Variants in SASH1 observed in about 807,000 individuals in gnomAD.
SASH1 encodes SAM and SH3 domain containing 1, also known as SAM and SH3 domain-containing protein 1.
Under a neutral mutation model 125.2 loss-of-function variants are expected in SASH1, and 44 were observed. The observed-to-expected ratio is 0.35, with a 90% CI of 0.28 to 0.45. The LOEUF is 0.45. SASH1 is among the 20% of genes least tolerant of loss of function. SASH1 has a pLI of 1.00. For synonymous variants in SASH1, 639 were observed against 649.1 expected (o/e 0.98, Z 0.24); for missense variants, 1,426 against 1,614.5 (o/e 0.88, Z 2.00).
At chr6:148,373,463 G>A (rs1015132392) in intron 1 of SASH1, among the ~76,000 whole-genome samples, 2 of 152,178 alleles carry the variant, frequency 1.3e-5, no homozygotes, top group Admixed American at 6.5e-5. Flanking sequence ...CAGGAAAGAT[G>A]TAGGGGTGTA....
intron 7 of SASH1, among the ~76,000 whole-genome samples, chr6:148,476,374 A>G (rs1778347113): frequency 6.6e-6 from 1 of 152,028 alleles, no homozygotes; most frequent in Non-Finnish European, 1.5e-5. Flanking sequence ...CTACAGATTC[A>G]GTGCAATCCA....
the SASH1 span, among the ~76,000 whole-genome samples, chr6:148,222,237 G>A: frequency 6.6e-6 from 1 of 152,242 alleles, no homozygotes; most frequent in Non-Finnish European, 1.5e-5. Flanking sequence ...TCAACAATTA[G>A]GATGTTTCCC....
chr6:148,506,319 A>G (rs1375536073), intron 8 of SASH1, among the ~76,000 whole-genome samples: 1 of 151,852 alleles, frequency 6.6e-6, no homozygotes, highest in Non-Finnish European at 1.5e-5. Context: ...TACTAAAAAT[A>G]CAAAAATTAG....
chr6:148,536,320 GTTTT>G (rs917017064), intron 16 of SASH1, among the ~76,000 whole-genome samples: 1 of 152,002 alleles, frequency 6.6e-6, no homozygotes, highest in Non-Finnish European at 1.5e-5. Flanking sequence ...AACAGCTGGG[GTTTT>G]TGTTTTGTTT....
chr6:148,264,788 C>A, the SASH1 span, among the ~76,000 whole-genome samples: 2 of 152,366 alleles, frequency 1.3e-5, no homozygotes, highest in Non-Finnish European at 2.9e-5. Context: ...CTGCCTGCTC[C>A]ATCACCTCTC....
chr6:148,433,062 G>C lies in SASH1; in HGVS notation c.286-7122G>C, dbSNP rs141944981. 5.0e-3 allele frequency among the ~76,000 whole-genome samples: 758 copies of C among 152,168 alleles called. 7 individuals are homozygous for C. The highest frequency in any genetic ancestry group is 0.016 in the African/African-American group (679 of 41,508). Reference sequence around the variant, plus strand: ...TACTGATTTCATCTTGCAATACTTGGGTTTTGCTTTTGTTGTTGGATTTAT... The same window carrying C: ...TACTGATTTCATCTTGCAATACTTGCGTTTTGCTTTTGTTGTTGGATTTAT... On this transcript the variant is annotated intron_variant, in intron 2 of 19. Coordinates refer to ENST00000367467, the MANE Select transcript of SASH1 (RefSeq NM_015278.5).
intron 1 of SASH1, among the ~76,000 whole-genome samples, chr6:148,313,179 G>A (rs1311539289): frequency 1.3e-5 from 2 of 152,168 alleles, no homozygotes; most frequent in African/African-American, 4.8e-5. Flanking sequence ...TACAGAAGCT[G>A]ACATGATGTC....
intron 2 of SASH1, among the ~76,000 whole-genome samples, chr6:148,390,730 G>A (rs986360672): frequency 6.6e-6 from 1 of 151,374 alleles, no homozygotes; most frequent in Non-Finnish European, 1.5e-5. Flanking sequence ...AGAGCTTGCA[G>A]TGAGCCAAGA....
chr6:148,240,766 C>T, the SASH1 span, among the ~76,000 whole-genome samples: 5 of 152,120 alleles, frequency 3.3e-5, no homozygotes, highest in South Asian at 2.1e-4. Context: ...ATTAAATTCC[C>T]GTTTGGCATT....
At chr6:148,208,740 T>C in the SASH1 span, among the ~76,000 whole-genome samples, 2 of 152,200 alleles carry the variant, frequency 1.3e-5, no homozygotes, top group East Asian at 3.8e-4. Context: ...CCTTTCTATA[T>C]AAATCAAATA....
intron 2 of SASH1, among the ~76,000 whole-genome samples, chr6:148,435,728 T>C (rs1213054786): frequency 1.3e-5 from 2 of 152,164 alleles, no homozygotes; most frequent in African/African-American, 4.8e-5. Flanking sequence ...GAAGTAACAG[T>C]AAAGGTATAG....
chr6:148,247,224 C>T, the SASH1 span, among the ~76,000 whole-genome samples: 2 of 151,964 alleles, frequency 1.3e-5, no homozygotes, highest in Non-Finnish European at 2.9e-5. Flanking sequence ...ATTAATTTGC[C>T]CTGAGAAATA....
chr6:148,350,296 T>A (rs982049217), intron 1 of SASH1, among the ~76,000 whole-genome samples: 12 of 152,154 alleles, frequency 7.9e-5, no homozygotes, highest in African/African-American at 2.9e-4. Flanking sequence ...GTAATTCTTA[T>A]TAAAGAAAAA....
In SASH1 at chr6:148,391,835, C is replaced by A. The variant is rs373917902; in HGVS notation, c.285+1573C>A. ...TTCAAATAGTTTTGTTTCATTATGC[C>A]AACCTCAGGACCTCCTCAAGAAGTG... On this transcript the variant is annotated intron_variant, in intron 2 of 19. Transcript: ENST00000367467. Among the ~76,000 whole-genome samples, 26 of 152,252 alleles carry A rather than the reference C, an allele frequency of 1.7e-4. No individual in the cohort carries two copies. In the East Asian group the frequency reaches 2.1e-3, roughly 12 times the overall value.
chr6:148,509,591 T>G (rs1780001900), intron 8 of SASH1, among the ~76,000 whole-genome samples: 2 of 152,300 alleles, frequency 1.3e-5, no homozygotes, highest in South Asian at 4.1e-4. Flanking sequence ...GTTTTAACCT[T>G]TATTACAGCA....
intron 4 of SASH1, among the ~76,000 whole-genome samples, chr6:148,443,426 T>A (rs1277853474): frequency 6.8e-6 from 1 of 147,872 alleles, no homozygotes; most frequent in Non-Finnish European, 1.5e-5. Context: ...AATTTCTTCT[T>A]TGTAGTGAAT....
chr6:148,544,148 T>C lies in SASH1; in HGVS notation c.2678T>C (p.Leu893Pro), dbSNP rs757621499. The stretch of plus-strand genomic sequence containing the variant: ...GACTCTGCTGTCGACAATGCATTGC[T>C]ACTGACCCAAAGCAAGAGATTTTCT... Reference protein sequence around the residue: ...EQDSAVDNALLLTQSKRFSEP... With the variant: ...EQDSAVDNALPLTQSKRFSEP... Residue 893 changes from leucine (L) to proline (P), a missense_variant, in exon 18 of 20, where the codon CTA becomes CCA. This residue lies in a region of SASH1 where 634 missense variants were observed against 694.4 expected (regional missense o/e 0.91). Coordinates refer to ENST00000367467, the MANE Select transcript of SASH1 (RefSeq NM_015278.5). The surrounding 1 kb of genome is among the most constrained non-coding windows in gnomAD (Gnocchi z 6.4). The C allele has an allele frequency of 1.7e-5, 28 of 1,614,120 alleles. No homozygotes were observed. In the South Asian group the frequency reaches 3.0e-4, roughly 17 times the overall value.
At chr6:148,338,823 G>A (rs1781239118), upstream of SASH1, among the ~76,000 whole-genome samples, 1 of 151,888 alleles carries the variant, frequency 6.6e-6, no homozygotes, top group Admixed American at 6.6e-5. Context: ...TGGCCAACAT[G>A]GTGAAACCCC....
chr6:148,358,660 G>A (rs113934571), intron 1 of SASH1, among the ~76,000 whole-genome samples: 49 of 150,368 alleles, frequency 3.3e-4, no homozygotes, highest in African/African-American at 7.1e-4. Flanking sequence ...ATTGTTTTGC[G>A]TTAAATTTAA....
Sources: allele counts gnomAD v4.1 joint callset (sites outside exome capture counted in the v4.1 genomes callset), GRCh38; gene constraint gnomAD v4.1.1; regional missense constraint gnomAD v4.1.1; non-coding constraint Gnocchi (gnomAD v3.1); transcripts MANE v1.5; gene names NCBI Gene and HGNC (gene_info 2026-07-23, HGNC 2026-07-21).